The following MAN2A1 variants were observed in gnomAD, a reference collection of about 807,000 sequenced individuals.
MAN2A1 encodes mannosidase alpha class 2A member 1, also known as alpha-mannosidase 2.
A neutral mutation model predicts 142.6 loss-of-function variants in MAN2A1; 76 were observed. The observed-to-expected ratio is 0.53, with a 90% CI of 0.44 to 0.65. The LOEUF is 0.65. Ranked by LOEUF, MAN2A1 falls within the 30% of genes least tolerant of loss-of-function variation. The probability of loss-of-function intolerance (pLI) is 0.00; values close to 1 mark genes in which losing one functional copy is unlikely to be tolerated. For synonymous variants in MAN2A1, 559 were observed against 473.2 expected, an observed-to-expected ratio of 1.18 and a Z score of -2.35; for missense variants, 1,311 against 1,365.1, an observed-to-expected ratio of 0.96 and a Z score of 0.62.
At chr5:109,709,424 C>T (rs919380813) in intron 1 of MAN2A1, among the ~76,000 whole-genome samples, 26 of 152,126 alleles carry the variant, frequency 1.7e-4, no homozygotes, top group East Asian at 1.2e-3. Context: ...GATTGTTGCT[C>T]GGCAGAGGGT....
intron 1 of MAN2A1, among the ~76,000 whole-genome samples, chr5:109,700,050 A>G (rs1027891643): frequency 2.6e-5 from 4 of 152,136 alleles, no homozygotes; most frequent in African/African-American, 9.7e-5. Context: ...GGTGAGAATC[A>G]TGCTATATTT....
At chr5:109,705,678 T>C (rs1457674292) in intron 1 of MAN2A1, among the ~76,000 whole-genome samples, 2 of 152,242 alleles carry the variant, frequency 1.3e-5, no homozygotes, top group South Asian at 2.1e-4. Context: ...AAATGTGTTA[T>C]CATACAGATC....
intron 12 of MAN2A1, among the ~76,000 whole-genome samples, chr5:109,799,392 A>G (rs1753954270): frequency 6.6e-6 from 1 of 152,192 alleles, no homozygotes; most frequent in East Asian, 1.9e-4. Context: ...TCAGAGAACT[A>G]TCAATTCTTG....
chr5:109,827,072 G>T (rs1754778565), intron 16 of MAN2A1, among the ~76,000 whole-genome samples: 1 of 152,192 alleles, frequency 6.6e-6, no homozygotes, highest in African/African-American at 2.4e-5. Context: ...AAACCAACCA[G>T]ATGCAGTTAT....
At chr5:109,691,833 A>G (rs761259854) in intron 1 of MAN2A1, among the ~76,000 whole-genome samples, 24 of 152,232 alleles carry the variant, frequency 1.6e-4, no homozygotes, top group Non-Finnish European at 2.5e-4. Flanking sequence ...CACTGAGGGC[A>G]TCTTTAAATC....
intron 12 of MAN2A1, among the ~76,000 whole-genome samples, chr5:109,794,998 G>T (rs143407570): frequency 1.3e-5 from 2 of 152,148 alleles, no homozygotes; most frequent in East Asian, 3.9e-4. Context: ...AGACTGAATG[G>T]AATATGTTAT....
In MAN2A1 at chr5:109,790,648, G is replaced by A. The variant is rs1470366254; in HGVS notation, c.1943+1121G>A. 3.3e-5 allele frequency among the ~76,000 whole-genome samples: 5 copies of A among 152,016 alleles called. No homozygotes were observed. The East Asian group carries it at 9.6e-4, about 29-fold the overall frequency. Reference sequence around the variant, plus strand: ...ATAAGTTATGTTTTGATGCATTTGGGGTTATATGCCTGTTCCTTAAATATT... The same window carrying A: ...ATAAGTTATGTTTTGATGCATTTGGAGTTATATGCCTGTTCCTTAAATATT... On this transcript the variant is annotated intron_variant, in intron 12 of 21. Transcript: ENST00000261483.
intron 10 of MAN2A1, among the ~76,000 whole-genome samples, chr5:109,786,920 G>A (rs1753610324): frequency 6.6e-6 from 1 of 152,048 alleles, no homozygotes; most frequent in Non-Finnish European, 1.5e-5. Context: ...CAGCTCTGCA[G>A]TGTCATCAGG....
At chr5:109,761,816 A>C (rs1752851899) in intron 5 of MAN2A1, among the ~76,000 whole-genome samples, 1 of 151,992 alleles carries the variant, frequency 6.6e-6, no homozygotes, top group Non-Finnish European at 1.5e-5. Context: ...TAATGTTAAA[A>C]ATTTCTCCAA....
chr5:109,812,807 C>A (rs1248236811), intron 12 of MAN2A1, among the ~76,000 whole-genome samples: 1 of 151,976 alleles, frequency 6.6e-6, no homozygotes, highest in African/African-American at 2.4e-5. Flanking sequence ...AACTATAAAG[C>A]CCCACATCAG....
intron 16 of MAN2A1, among the ~76,000 whole-genome samples, chr5:109,834,686 A>G (rs1755015571): frequency 6.6e-6 from 1 of 152,196 alleles, no homozygotes; most frequent in Non-Finnish European, 1.5e-5. Context: ...CTGTTTATCT[A>G]GTAGTGTTTT....
intron 8 of MAN2A1, among the ~76,000 whole-genome samples, chr5:109,778,062 G>C (rs1227728602): frequency 1.3e-5 from 2 of 149,228 alleles, no homozygotes; most frequent in East Asian, 1.9e-4. Flanking sequence ...CATAGGTGTA[G>C]GTCATCTTTT....
intron 16 of MAN2A1, among the ~76,000 whole-genome samples, chr5:109,834,962 A>G (rs1755021436): frequency 6.6e-6 from 1 of 152,134 alleles, no homozygotes; most frequent in Non-Finnish European, 1.5e-5. Context: ...GTACTTTCAG[A>G]TATAAGTACA....
chr5:109,690,954 A>G (rs1478137637), intron 1 of MAN2A1, among the ~76,000 whole-genome samples: 2 of 152,166 alleles, frequency 1.3e-5, no homozygotes, highest in Non-Finnish European at 2.9e-5. Flanking sequence ...CGCCCGCACC[A>G]GCCCAGAGCC....
chr5:109,783,820 A>G lies in MAN2A1; in HGVS notation c.1578-924A>G, dbSNP rs1051601309. On this transcript the variant is annotated intron_variant, in intron 9 of 21. Transcript: ENST00000261483. Reference sequence around the variant, plus strand: ...ATAAAAGGTGGAAATTATAGCCCCCATGTTCTTCTTAGACTGAAGGTTTTT... The same window carrying G: ...ATAAAAGGTGGAAATTATAGCCCCCGTGTTCTTCTTAGACTGAAGGTTTTT... Among the ~76,000 whole-genome samples the G allele has an allele frequency of 4.0e-5, 6 of 151,682 alleles. 1 individual carries two copies. The highest frequency in any genetic ancestry group is 1.5e-4 in the African/African-American group (6 of 41,236).
At chr5:109,823,871 G>A (rs1754693207) in intron 16 of MAN2A1, 34 bp downstream of exon 16, 2 of 1,038,178 alleles carry the variant, frequency 1.9e-6, no homozygotes, top group Non-Finnish European at 2.7e-6. Flanking sequence ...TGAAACATAT[G>A]TATTATGGTT....
At chr5:109,830,076 A>G (rs79563941) in intron 16 of MAN2A1, among the ~76,000 whole-genome samples, 2,837 of 152,290 alleles carry the variant, frequency 0.019, 35 homozygotes, top group Middle Eastern at 0.071. Context: ...GGCTCTTATC[A>G]AATCCAAGTC....
intron 4 of MAN2A1, among the ~76,000 whole-genome samples, chr5:109,739,402 A>G (rs779863802): frequency 6.6e-6 from 1 of 152,152 alleles, no homozygotes; most frequent in Non-Finnish European, 1.5e-5. Flanking sequence ...TTAGAATTCA[A>G]GTACGTTGTT....
Position 109,818,260 on chromosome 5 carries a change from C to T in MAN2A1, c.2109+822C>T, listed in dbSNP as rs187991478. On this transcript the variant is annotated intron_variant, in intron 13 of 21. Transcript: ENST00000261483. ...GGTTCAAGTGATTCTCCTGCCTCAGCCTCCTGTAACTGGGATTACAGGCAT... is the reference window on the plus strand; with the variant it reads ...GGTTCAAGTGATTCTCCTGCCTCAGTCTCCTGTAACTGGGATTACAGGCAT... 3.3e-5 allele frequency among the ~76,000 whole-genome samples: 5 copies of T among 152,220 alleles called. No individual in the cohort carries two copies. In the East Asian group the frequency reaches 9.7e-4, roughly 29 times the overall value.
Sources: gnomAD v4.1 joint callset for allele counts (sites outside exome capture counted in the v4.1 genomes callset) on GRCh38, gnomAD v4.1.1 for gene constraint, MANE v1.5 for transcripts, NCBI Gene and HGNC (gene_info 2026-07-23, HGNC 2026-07-21) for gene names.